The following NDFIP2 variants were observed in gnomAD, a reference collection of about 807,000 sequenced individuals.
NDFIP2 encodes NEDD4 family-interacting protein 2.
NDFIP2 carries 19 observed loss-of-function variants against 36.0 expected under a neutral mutation model. That is an observed-to-expected ratio of 0.53 (90% CI 0.37 to 0.77). The LOEUF (loss-of-function observed/expected upper bound fraction) is 0.77. Among genes scored for constraint, NDFIP2 ranks in the 30% least tolerant of loss-of-function variants. NDFIP2 has a pLI of 0.00. For missense variants in NDFIP2, 446 were observed against 435.8 expected (o/e 1.02, Z -0.21); for synonymous variants, 181 against 167.7 (o/e 1.08, Z -0.61).
At chr13:79,536,847 G>A (rs1875260432) in intron 3 of NDFIP2, among the ~76,000 whole-genome samples, 1 of 151,718 alleles carries the variant, frequency 6.6e-6, no homozygotes, top group Non-Finnish European at 1.5e-5. Flanking sequence ...AACACAGCGA[G>A]ACCTTATTTC....
In NDFIP2 at chr13:79,537,320, A is replaced by G. The variant is rs188348962; in HGVS notation, c.622-2362A>G. Among the ~76,000 whole-genome samples the G allele has an allele frequency of 5.3e-5, 8 of 152,212 alleles. No homozygotes were observed. In the East Asian group the frequency reaches 1.5e-3, roughly 29 times the overall value. ...AGAGATGGGTTTCGCCATGTTGGTC[A>G]GGCTAGTCTTGAACTCCTGACTTCA... On this transcript the variant is annotated intron_variant, in intron 3 of 7. Coordinates refer to ENST00000218652, the MANE Select transcript of NDFIP2 (RefSeq NM_019080.3).
intron 3 of NDFIP2, among the ~76,000 whole-genome samples, chr13:79,533,861 G>T (rs535194918): frequency 1.3e-4 from 20 of 152,212 alleles, no homozygotes; most frequent in Admixed American, 6.5e-4. Context: ...ATTTTCTACC[G>T]CATGCAGGTG....
Position 79,481,455 on chromosome 13 carries a change from C to G in NDFIP2, c.252C>G (p.Leu84=). 1 of 1,562,990 alleles carries G rather than the reference C, an allele frequency of 6.4e-7. No homozygotes were observed. Among genetic ancestry groups the G allele is most frequent in the South Asian group, 1.2e-5 (1 of 84,876 alleles). The change falls in exon 1 of 8, where the codon CTC becomes CTG. Residue 84 remains leucine (L), a synonymous_variant. Transcript: ENST00000218652. ...GAGCTGAGCACGGAGAAGACTCCCT[C>G]TCTCGGAAGCCGGATCCCGAGCCGG... ...AVGAEHGEDS[L]SRKPDPEPGR... is the part of the protein sequence containing the mutation.
Position 79,533,418 on chromosome 13 carries a change from G to A in NDFIP2, c.583G>A (p.Ala195Thr). The A allele has an allele frequency of 6.2e-7, 1 of 1,609,768 alleles. No individual in the cohort carries two copies. Among genetic ancestry groups the A allele is most frequent in the Non-Finnish European group, 8.5e-7 (1 of 1,178,050 alleles). ...TYDEAEKAKAAAMAAAAAETS... is the reference protein window; with the variant it reads ...TYDEAEKAKATAMAAAAAETS... ...CGATGAAGCTGAGAAGGCTAAAGCTGCTGCAATGGCAGCTGCAGCAGCAGA... is the reference window on the plus strand; with the variant it reads ...CGATGAAGCTGAGAAGGCTAAAGCTACTGCAATGGCAGCTGCAGCAGCAGA... Residue 195 changes from alanine (A) to threonine (T), a missense_variant, in exon 3 of 8, where the codon GCT (alanine) becomes ACT (threonine). This residue lies in a region of NDFIP2 where 369 missense variants were observed against 304.8 expected (regional missense o/e 1.21). Transcript: ENST00000218652.
intron 1 of NDFIP2, among the ~76,000 whole-genome samples, chr13:79,520,554 CT>C (rs1179466431): frequency 6.6e-6 from 1 of 152,096 alleles, no homozygotes; most frequent in Non-Finnish European, 1.5e-5. Flanking sequence ...ATGATATTTT[CT>C]TTGTAAATTC....
At chr13:79,483,019 A>G (rs2079824451) in intron 1 of NDFIP2, among the ~76,000 whole-genome samples, 1 of 152,168 alleles carries the variant, frequency 6.6e-6, no homozygotes, top group Non-Finnish European at 1.5e-5. Flanking sequence ...TACCCAAAAC[A>G]CTGTTAATTT....
intron 5 of NDFIP2, among the ~76,000 whole-genome samples, chr13:79,545,290 T>C (rs577350463): frequency 6.6e-6 from 1 of 152,316 alleles, no homozygotes; most frequent in East Asian, 1.9e-4. Flanking sequence ...ACTTATGTCC[T>C]TAAAGTATTA....
At chr13:79,482,161 CTTTCTTTCTTTTTTTT>C (rs2079817910) in intron 1 of NDFIP2, among the ~76,000 whole-genome samples, 1 of 65,936 alleles carries the variant, frequency 1.5e-5, no homozygotes, top group African/African-American at 5.7e-5. Flanking sequence ...TTCTTTCTTT[CTTTCTTTCTTTTTTTT>C]TTTTTTTTTT....
intron 2 of NDFIP2, among the ~76,000 whole-genome samples, chr13:79,530,490 G>T (rs867516077): frequency 5.3e-5 from 8 of 152,194 alleles, no homozygotes; most frequent in Admixed American, 1.3e-4. Context: ...TTTTACAAAA[G>T]AATTGTCTGT....
At chr13:79,542,383 A>G (rs538534606) in intron 4 of NDFIP2, among the ~76,000 whole-genome samples, 1 of 152,326 alleles carries the variant, frequency 6.6e-6, no homozygotes, top group South Asian at 2.1e-4. Context: ...TTTGTAAGAA[A>G]TTGCCAAACT....
chr13:79,489,921 C>G (rs191971096), intron 1 of NDFIP2, among the ~76,000 whole-genome samples: 15 of 152,238 alleles, frequency 9.9e-5, no homozygotes, highest in African/African-American at 3.6e-4. Context: ...GGTCTAATGC[C>G]GAATGAAAAT....
intron 5 of NDFIP2, among the ~76,000 whole-genome samples, chr13:79,545,584 A>G (rs1875637043): frequency 6.6e-6 from 1 of 152,234 alleles, no homozygotes; most frequent in Non-Finnish European, 1.5e-5. Flanking sequence ...AATAACTGCC[A>G]TTCATTTAAC....
At chr13:79,512,332 T>G (rs1874108595) in intron 1 of NDFIP2, among the ~76,000 whole-genome samples, 1 of 152,196 alleles carries the variant, frequency 6.6e-6, no homozygotes, top group Admixed American at 6.5e-5. Context: ...ACACTATCAT[T>G]TAAAATGTCT....
chr13:79,499,192 A>G (rs4885635), intron 1 of NDFIP2, among the ~76,000 whole-genome samples: 25,989 of 151,936 alleles, frequency 0.17, 2,673 homozygotes, highest in Middle Eastern at 0.29. Context: ...TTAAAGTCCA[A>G]CACCCATTCA....
At chr13:79,499,882 G>A (rs114421204) in intron 1 of NDFIP2, among the ~76,000 whole-genome samples, 311 of 151,942 alleles carry the variant, frequency 2.0e-3, no homozygotes, top group African/African-American at 7.1e-3. Context: ...TAATTTATAT[G>A]GAGAGGCAAC....
chr13:79,506,371 TTA>T (rs1169287490), intron 1 of NDFIP2, among the ~76,000 whole-genome samples: 1 of 152,152 alleles, frequency 6.6e-6, no homozygotes, highest in Non-Finnish European at 1.5e-5. Flanking sequence ...GAACATTTCC[TTA>T]TACTATTAAA....
chr13:79,500,539 A>G (rs1256325407), intron 1 of NDFIP2, among the ~76,000 whole-genome samples: 2 of 152,036 alleles, frequency 1.3e-5, no homozygotes, highest in East Asian at 3.9e-4. Context: ...CTCACCACCG[A>G]AGATATACAG....
chr13:79,495,219 C>CTAAAAA (rs1873391376), intron 1 of NDFIP2, among the ~76,000 whole-genome samples: 1 of 151,830 alleles, frequency 6.6e-6, no homozygotes, highest in African/African-American at 2.4e-5. Flanking sequence ...ATATAGTGTT[C>CTAAAAA]TAAAAATGTC....
intron 7 of NDFIP2, among the ~76,000 whole-genome samples, chr13:79,552,174 C>T (rs1041578160): frequency 4.0e-5 from 6 of 151,244 alleles, no homozygotes; most frequent in Non-Finnish European, 7.4e-5. Flanking sequence ...CCAAAGAAGT[C>T]GCTTTTTTAT....
Sources: allele counts gnomAD v4.1 joint callset (sites outside exome capture counted in the v4.1 genomes callset), GRCh38; gene constraint gnomAD v4.1.1; regional missense constraint gnomAD v4.1.1; transcripts MANE v1.5; gene names NCBI Gene and HGNC (gene_info 2026-07-23, HGNC 2026-07-21).